The following LRMDA variants were observed in gnomAD, a reference collection of about 807,000 sequenced individuals.
LRMDA encodes leucine-rich melanocyte differentiation-associated protein.
A neutral mutation model predicts 29.8 loss-of-function variants in LRMDA; 18 were observed. The observed-to-expected ratio is 0.60, with a 90% CI of 0.42 to 0.90. The LOEUF (loss-of-function observed/expected upper bound fraction) is 0.90. Ranked by LOEUF, LRMDA falls within the 40% of genes least tolerant of loss-of-function variation. The pLI is 0.00. For synonymous variants in LRMDA, 125 were observed against 109.4 expected, an observed-to-expected ratio of 1.14 and a Z score of -0.89; for missense variants, 273 against 273.9, an observed-to-expected ratio of 1.00 and a Z score of 0.02.
intron 6 of LRMDA, among the ~76,000 whole-genome samples, chr10:76,351,628 C>G (rs1405003725): frequency 6.6e-6 from 1 of 151,944 alleles, no homozygotes; most frequent in Non-Finnish European, 1.5e-5. Context: ...CCACCCCTTT[C>G]CAGGCACTGT....
chr10:76,225,179 G>A (rs1279477615), intron 5 of LRMDA, among the ~76,000 whole-genome samples: 2 of 152,102 alleles, frequency 1.3e-5, no homozygotes, highest in African/African-American at 4.8e-5. Context: ...GGGAGGCTGA[G>A]CTGGGTAGAC....
At chr10:75,501,985 G>A (rs556344419) in intron 2 of LRMDA, among the ~76,000 whole-genome samples, 1 of 152,262 alleles carries the variant, frequency 6.6e-6, no homozygotes, top group Admixed American at 6.5e-5. Flanking sequence ...AATGAAAGTA[G>A]AGTGTGTGTG....
At chr10:76,507,934 C>T (rs567084949) in intron 6 of LRMDA, among the ~76,000 whole-genome samples, 3 of 152,244 alleles carry the variant, frequency 2.0e-5, no homozygotes, top group African/African-American at 7.2e-5. Flanking sequence ...AGTGTAATGC[C>T]TCCAGCTTTG....
intron 2 of LRMDA, among the ~76,000 whole-genome samples, chr10:75,681,150 A>G (rs562493226): frequency 6.6e-6 from 1 of 152,282 alleles, no homozygotes; most frequent in African/African-American, 2.4e-5. Context: ...TTTGAGTCAT[A>G]CTCATCAAGA....
intron 5 of LRMDA, among the ~76,000 whole-genome samples, chr10:76,162,912 T>C (rs1044939894): frequency 4.6e-5 from 7 of 152,324 alleles, no homozygotes; most frequent in African/African-American, 1.4e-4. Context: ...AAGGGAAAGA[T>C]ACATATTCTA....
intron 2 of LRMDA, among the ~76,000 whole-genome samples, chr10:75,588,246 G>C (rs746235578): frequency 8.5e-5 from 13 of 152,192 alleles, no homozygotes; most frequent in Non-Finnish European, 1.2e-4. Context: ...GGAGCTGGGA[G>C]GAGGGAGGTG....
intron 5 of LRMDA, among the ~76,000 whole-genome samples, chr10:76,151,539 G>T (rs749006089): frequency 1.3e-5 from 2 of 152,054 alleles, no homozygotes; most frequent in South Asian, 4.2e-4. Context: ...ACATATCAGG[G>T]GCCAAACAGA....
chr10:75,673,325 C>G lies in LRMDA; in HGVS notation c.131+234831C>G, dbSNP rs116770853. 2.3e-3 allele frequency among the ~76,000 whole-genome samples: 357 copies of G among 152,272 alleles called. 2 individuals carry two copies. The highest frequency in any genetic ancestry group is 8.0e-3 in the African/African-American group (334 of 41,540). Reference sequence around the variant, plus strand: ...TGCATAGGTCTAGCTGGATGGTATACCGCTCCTGAAATGCTAAAATCAGAA... The same window carrying G: ...TGCATAGGTCTAGCTGGATGGTATAGCGCTCCTGAAATGCTAAAATCAGAA... On this transcript the variant is annotated intron_variant, in intron 2 of 6. Transcript: ENST00000611255.
At chr10:76,476,442 C>G (rs1013879965) in intron 6 of LRMDA, among the ~76,000 whole-genome samples, 2 of 151,660 alleles carry the variant, frequency 1.3e-5, no homozygotes, top group Admixed American at 6.6e-5. Flanking sequence ...CAGAACCAGA[C>G]GGATTCACAG....
At chr10:76,465,258 C>G (rs1454733441) in intron 6 of LRMDA, among the ~76,000 whole-genome samples, 9 of 152,112 alleles carry the variant, frequency 5.9e-5, no homozygotes, top group Non-Finnish European at 1.5e-5. Flanking sequence ...GGCATATGAG[C>G]TCCAAGAAAT....
At chr10:76,466,029 A>T (rs1454245173) in intron 6 of LRMDA, among the ~76,000 whole-genome samples, 1 of 152,178 alleles carries the variant, frequency 6.6e-6, no homozygotes, top group Non-Finnish European at 1.5e-5. Context: ...TAGAACTTCA[A>T]CCTGTGAATT....
intron 5 of LRMDA, among the ~76,000 whole-genome samples, chr10:76,191,342 A>G (rs1462875011): frequency 1.3e-5 from 2 of 152,218 alleles, no homozygotes; most frequent in African/African-American, 2.4e-5. Flanking sequence ...ATTTTCCTCT[A>G]TAGCCCTGAG....
intron 6 of LRMDA, among the ~76,000 whole-genome samples, chr10:76,510,321 T>G (rs199894938): frequency 6.6e-6 from 1 of 152,184 alleles, no homozygotes; most frequent in Non-Finnish European, 1.5e-5. Context: ...TCCACCCACC[T>G]TGGCCTCCCA....
chr10:76,417,527 C>T (rs1309511358), intron 6 of LRMDA, among the ~76,000 whole-genome samples: 1 of 151,536 alleles, frequency 6.6e-6, no homozygotes, highest in Non-Finnish European at 1.5e-5. Context: ...TCTCATATCG[C>T]ACCCTAGGCA....
At chr10:75,884,671 G>A (rs1351345193) in intron 2 of LRMDA, among the ~76,000 whole-genome samples, 1 of 152,188 alleles carries the variant, frequency 6.6e-6, no homozygotes, top group Non-Finnish European at 1.5e-5. Context: ...AAGAAGCAAT[G>A]CAGGGCCTGA....
intron 6 of LRMDA, among the ~76,000 whole-genome samples, chr10:76,462,080 CA>C (rs1842518843): frequency 1.3e-4 from 18 of 137,864 alleles, no homozygotes; most frequent in Non-Finnish European, 2.1e-4. Context: ...AAAAAAACCA[CA>C]CACACACACA....
At chr10:76,175,398 T>C (rs1206400003) in intron 5 of LRMDA, among the ~76,000 whole-genome samples, 1 of 152,244 alleles carries the variant, frequency 6.6e-6, no homozygotes, top group Non-Finnish European at 1.5e-5. Flanking sequence ...AGTGAAGTTC[T>C]TTTGATACAT....
At chr10:76,290,329 T>C (rs1039173047) in intron 5 of LRMDA, among the ~76,000 whole-genome samples, 6 of 152,134 alleles carry the variant, frequency 3.9e-5, no homozygotes, top group Non-Finnish European at 5.9e-5. Flanking sequence ...AAAGCATGGG[T>C]CTGCAGCAAG....
At chr10:76,021,647 C>A (rs1847975798) in intron 2 of LRMDA, among the ~76,000 whole-genome samples, 1 of 152,186 alleles carries the variant, frequency 6.6e-6, no homozygotes. Flanking sequence ...TAACCTCCTA[C>A]CATGAAGAGC....
Sources: allele counts gnomAD v4.1 joint callset (sites outside exome capture counted in the v4.1 genomes callset), GRCh38; gene constraint gnomAD v4.1.1; transcripts MANE v1.5; gene names NCBI Gene and HGNC (gene_info 2026-07-23, HGNC 2026-07-21).